KCNIP4: variants seen among roughly 807,000 people sequenced by gnomAD.
KCNIP4 encodes the protein potassium voltage-gated channel interacting protein 4.
A neutral mutation model predicts 34.0 loss-of-function variants in KCNIP4; 12 were observed. That is an observed-to-expected ratio of 0.35 (90% CI 0.23 to 0.57). The LOEUF is 0.57. KCNIP4 is among the 20% of genes least tolerant of loss of function. The pLI is 0.83. For synonymous variants in KCNIP4, 124 were observed against 102.2 expected, an observed-to-expected ratio of 1.21 and a Z score of -1.29; for missense variants, 238 against 311.7, an observed-to-expected ratio of 0.76 and a Z score of 1.78.
chr4:20,943,605 G>A (rs1161164666), intron 1 of KCNIP4, among the ~76,000 whole-genome samples: 2 of 152,112 alleles, frequency 1.3e-5, no homozygotes, highest in Admixed American at 6.5e-5. Flanking sequence ...ATTTTATGGA[G>A]GAGGAAACTG....
In KCNIP4 at chr4:21,078,920, C is replaced by T. The variant is rs182813578; in HGVS notation, c.62-196211G>A. On this transcript the variant is annotated intron_variant, in intron 1 of 8. Coordinates refer to ENST00000382152, the MANE Select transcript of KCNIP4 (RefSeq NM_025221.6). ...ACTCTTCTGTCTAGAAACAGCCTTC[C>T]TATGGAGAGCCTGGGCTGTCCTCTT... Among the ~76,000 whole-genome samples the T allele has an allele frequency of 2.7e-3, 408 of 152,166 alleles. 2 individuals carry two copies. Among genetic ancestry groups the T allele is most frequent in the Non-Finnish European group, 3.9e-3 (268 of 67,982 alleles).
At chr4:21,575,905 T>C (rs1264787902) in intron 1 of KCNIP4, among the ~76,000 whole-genome samples, 1 of 152,108 alleles carries the variant, frequency 6.6e-6, no homozygotes. Flanking sequence ...CTTAGAATGG[T>C]CTTGAAAATC....
At chr4:21,100,559 AT>A (rs1439452360) in intron 1 of KCNIP4, among the ~76,000 whole-genome samples, 1 of 152,132 alleles carries the variant, frequency 6.6e-6, no homozygotes, top group Non-Finnish European at 1.5e-5. Flanking sequence ...TCTCAAAAAA[AT>A]AAATAAATAA....
At chr4:21,868,589 AAG>A (rs1725570478) in intron 1 of KCNIP4, among the ~76,000 whole-genome samples, 1 of 152,182 alleles carries the variant, frequency 6.6e-6, no homozygotes, top group African/African-American at 2.4e-5. Flanking sequence ...AGGTACTTGA[AAG>A]AGTGTCTGGC....
At chr4:21,782,903 A>G (rs1489017268) in intron 1 of KCNIP4, among the ~76,000 whole-genome samples, 1 of 150,230 alleles carries the variant, frequency 6.7e-6, no homozygotes, top group African/African-American at 2.5e-5. Context: ...ATGCCTACTG[A>G]AAAAAAGCCA....
At chr4:21,689,697 G>C (rs947638277) in intron 1 of KCNIP4, among the ~76,000 whole-genome samples, 1 of 152,184 alleles carries the variant, frequency 6.6e-6, no homozygotes, top group Non-Finnish European at 1.5e-5. Context: ...GATAAGTAAA[G>C]AAGGGTGTCA....
chr4:21,021,986 T>C (rs1344701928), intron 1 of KCNIP4, among the ~76,000 whole-genome samples: 1 of 152,128 alleles, frequency 6.6e-6, no homozygotes, highest in African/African-American at 2.4e-5. Flanking sequence ...TGTGCTATGC[T>C]TTGATCAGAC....
intron 1 of KCNIP4, among the ~76,000 whole-genome samples, chr4:21,442,024 T>G (rs2109708300): frequency 6.6e-6 from 1 of 152,334 alleles, no homozygotes; most frequent in African/African-American, 2.4e-5. Context: ...ACTGCTTAAT[T>G]ATTTATGCTG....
intron 5 of KCNIP4, among the ~76,000 whole-genome samples, chr4:20,736,139 A>G (rs1396870630): frequency 6.6e-6 from 1 of 152,194 alleles, no homozygotes; most frequent in Non-Finnish European, 1.5e-5. Context: ...CCTTTCACTC[A>G]TAGACTACTG....
chr4:21,627,448 T>C (rs1745420610), intron 1 of KCNIP4, among the ~76,000 whole-genome samples: 1 of 152,190 alleles, frequency 6.6e-6, no homozygotes, highest in African/African-American at 2.4e-5. Context: ...CATTCATCTT[T>C]AAACATAATC....
At chr4:20,937,461 C>G (rs1005687590) in intron 1 of KCNIP4, among the ~76,000 whole-genome samples, 15 of 151,586 alleles carry the variant, frequency 9.9e-5, no homozygotes, top group Admixed American at 3.3e-4. Context: ...GTCTCGATCT[C>G]CTGACCTAGT....
chr4:21,886,526 G>C (rs773785236), intron 1 of KCNIP4, among the ~76,000 whole-genome samples: 1 of 152,084 alleles, frequency 6.6e-6, no homozygotes, highest in Non-Finnish European at 1.5e-5. Context: ...ATGGGTTTCT[G>C]CCAGCACCAG....
At chr4:20,964,610 A>G (rs552167402) in intron 1 of KCNIP4, among the ~76,000 whole-genome samples, 1 of 152,276 alleles carries the variant, frequency 6.6e-6, no homozygotes, top group East Asian at 1.9e-4. Context: ...TTCTGTCACA[A>G]AAATTATTCT....
chr4:21,120,977 G>A (rs534521529), intron 1 of KCNIP4, among the ~76,000 whole-genome samples: 1 of 152,334 alleles, frequency 6.6e-6, no homozygotes, highest in Non-Finnish European at 1.5e-5. Context: ...ATAACAGCTT[G>A]CTGAAGAATT....
At chr4:21,755,087 G>T (rs1231266889) in intron 1 of KCNIP4, among the ~76,000 whole-genome samples, 1 of 152,126 alleles carries the variant, frequency 6.6e-6, no homozygotes, top group Non-Finnish European at 1.5e-5. Flanking sequence ...AGAGGCAGAG[G>T]TAGCAGATGG....
chr4:21,398,020 A>G (rs1034753120), intron 1 of KCNIP4, among the ~76,000 whole-genome samples: 1 of 152,206 alleles, frequency 6.6e-6, no homozygotes, highest in African/African-American at 2.4e-5. Context: ...TGACTTGGGG[A>G]CATAGCTGAA....
intron 1 of KCNIP4, among the ~76,000 whole-genome samples, chr4:21,694,762 T>C (rs1418692811): frequency 6.6e-6 from 1 of 151,956 alleles, no homozygotes; most frequent in African/African-American, 2.4e-5. Context: ...CCACAAAAAT[T>C]TCTTTGCACT....
chr4:21,285,693 A>C (rs1763080623), intron 1 of KCNIP4, among the ~76,000 whole-genome samples: 1 of 151,838 alleles, frequency 6.6e-6, no homozygotes, highest in Non-Finnish European at 1.5e-5. Context: ...AACAAAAAAA[A>C]AGCCAGGCAT....
At chr4:21,870,387 G>A (rs779914740) in intron 1 of KCNIP4, among the ~76,000 whole-genome samples, 1 of 152,140 alleles carries the variant, frequency 6.6e-6, no homozygotes, top group Non-Finnish European at 1.5e-5. Flanking sequence ...CTAGGGTCCC[G>A]TATGCACAAC....
Sources: allele counts gnomAD v4.1 joint callset (sites outside exome capture counted in the v4.1 genomes callset), GRCh38; gene constraint gnomAD v4.1.1; transcripts MANE v1.5; gene names NCBI Gene and HGNC (gene_info 2026-07-23, HGNC 2026-07-21).